The following THRAP3 variants were observed in gnomAD, a reference collection of about 807,000 sequenced individuals.
THRAP3 encodes the protein thyroid hormone receptor-associated protein 3.
Under a neutral mutation model 101.0 loss-of-function variants are expected in THRAP3, and 16 were observed. The ratio of observed to expected loss-of-function variants is 0.16; its 90% CI spans 0.11 to 0.24. The LOEUF is 0.24. Ranked by LOEUF, THRAP3 falls within the 10% of genes least tolerant of loss-of-function variation. The pLI is 1.00. For synonymous variants in THRAP3, 407 were observed against 422.6 expected, an observed-to-expected ratio of 0.96 and a Z score of 0.45; for missense variants, 989 against 1,202.7, an observed-to-expected ratio of 0.82 and a Z score of 2.63.
intron 1 of THRAP3, among the ~76,000 whole-genome samples, chr1:36,244,512 C>T (rs943783163): frequency 2.0e-5 from 3 of 152,200 alleles, no homozygotes; most frequent in Non-Finnish European, 4.4e-5. Context: ...TAGTGTCAAA[C>T]TGATTTCTTA....
At chr1:36,279,646 C>G (rs1645706835) in intron 2 of THRAP3, among the ~76,000 whole-genome samples, 1 of 152,158 alleles carries the variant, frequency 6.6e-6, no homozygotes, top group Non-Finnish European at 1.5e-5. Context: ...GCATCCTCAT[C>G]TAGCAGTCTT....
intron 2 of THRAP3, among the ~76,000 whole-genome samples, chr1:36,271,922 G>T (rs1645597004): frequency 6.6e-6 from 1 of 152,000 alleles, no homozygotes; most frequent in East Asian, 1.9e-4. Flanking sequence ...TAGAGATGGG[G>T]TTTTCCCATG....
chr1:36,231,034 A>G (rs1645022042), intron 1 of THRAP3, among the ~76,000 whole-genome samples: 1 of 152,100 alleles, frequency 6.6e-6, no homozygotes, highest in African/African-American at 2.4e-5. Context: ...GGTATTTACT[A>G]TTTTATACCT....
At chr1:36,291,279 A>G (rs1645864802) in intron 5 of THRAP3, 95 bp from the exon 6 acceptor site, 4 of 1,300,042 alleles carry the variant, frequency 3.1e-6, no homozygotes, top group Non-Finnish European at 4.2e-6. Flanking sequence ...AAGTTTATAG[A>G]TAGATTTAAA....
At chr1:36,213,949 A>G in the THRAP3 span, among the ~76,000 whole-genome samples, 6 of 127,156 alleles carry the variant, frequency 4.7e-5, no homozygotes, top group Non-Finnish European at 9.8e-5. Flanking sequence ...GAAAGAAAGA[A>G]AGAAAGAAAG....
chr1:36,270,234 C>T (rs756690385), intron 2 of THRAP3, among the ~76,000 whole-genome samples: 110 of 152,144 alleles, frequency 7.2e-4, no homozygotes, highest in Non-Finnish European at 1.2e-3. Context: ...ACAAAAAATA[C>T]GAAAAGTTAG....
rs1645808054 is a variant in THRAP3, at chr1:36,287,216, G to A, written c.986G>A (p.Gly329Asp). 1.2e-6 allele frequency: 2 copies of A among 1,614,006 alleles called. No homozygotes were observed. The highest frequency in any genetic ancestry group is 1.7e-6 in the Non-Finnish European group (2 of 1,179,944). ...CCACCATCCACTGGCTCCACATATG[G>A]CTCATCTCAGAAGGAGGAGAGTGCT... ...KSPPSTGSTY[G>D]SSQKEESAAS... Residue 329 changes from glycine (G) to aspartate (D), a missense_variant, in exon 4 of 12, where the codon GGC (glycine) becomes GAC (aspartate). Transcript: ENST00000354618.
rs1645792348 is a variant in THRAP3 at position 36,286,059 on chromosome 1, T to C, written c.138-309T>C. ...TTATTATGGTATATTAAAATGGTCT[T>C]TGTGTGGTTTACTACCTTAAGAAAA... On this transcript the variant is annotated intron_variant, in intron 3 of 11. Transcript: ENST00000354618. The surrounding 1 kb of genome is among the most constrained non-coding windows in gnomAD (Gnocchi z 5.5). 6.6e-6 allele frequency among the ~76,000 whole-genome samples: 1 copy of C among 152,212 alleles called. No individual in the cohort carries two copies. Among genetic ancestry groups the C allele is most frequent in the Non-Finnish European group, 1.5e-5 (1 of 68,038 alleles).
At chr1:36,255,837 A>T (rs960884296) in intron 1 of THRAP3, among the ~76,000 whole-genome samples, 1 of 151,962 alleles carries the variant, frequency 6.6e-6, no homozygotes, top group Non-Finnish European at 1.5e-5. Context: ...AGGAAAAAAA[A>T]ATTCAGTCTT....
upstream of THRAP3, among the ~76,000 whole-genome samples, chr1:36,224,232 C>T (rs1467661452): frequency 6.6e-6 from 1 of 152,236 alleles, no homozygotes; most frequent in Non-Finnish European, 1.5e-5. Flanking sequence ...GGGGAGGGGA[C>T]GGCCCCGAGC....
chr1:36,237,036 C>T (rs1019860998), intron 1 of THRAP3, among the ~76,000 whole-genome samples: 2 of 152,048 alleles, frequency 1.3e-5, no homozygotes, highest in Admixed American at 6.6e-5. Context: ...ATTAGCCAGG[C>T]GTGGTGGCGC....
At chr1:36,216,534 G>A in the THRAP3 span, among the ~76,000 whole-genome samples, 1 of 150,562 alleles carries the variant, frequency 6.6e-6, no homozygotes, top group African/African-American at 2.4e-5. Context: ...GGGTGTGGTG[G>A]CTCACACCTA....
chr1:36,288,392 A>C (rs747219902), intron 4 of THRAP3: 21 of 985,200 alleles, frequency 2.1e-5, no homozygotes, highest in Admixed American at 6.2e-5. Context: ...AAGTAAGTCT[A>C]TTTTAAAACA....
intron 6 of THRAP3, among the ~76,000 whole-genome samples, chr1:36,292,371 A>G (rs1404215787): frequency 7.1e-6 from 1 of 140,834 alleles, no homozygotes; most frequent in Admixed American, 7.7e-5. Context: ...TCCTGGGTTC[A>G]CGACATTCTT....
chr1:36,294,665 A>G (rs1258232605), intron 8 of THRAP3, among the ~76,000 whole-genome samples: 1 of 152,190 alleles, frequency 6.6e-6, no homozygotes, highest in Admixed American at 6.5e-5. Context: ...GTTGAATGTG[A>G]TGAGAGGCGC....
chr1:36,273,816 A>G (rs768853023), intron 2 of THRAP3, among the ~76,000 whole-genome samples: 19 of 152,138 alleles, frequency 1.2e-4, no homozygotes, highest in Admixed American at 2.0e-4. Context: ...CCGAGGTGGC[A>G]GATCATTTGA....
chr1:36,300,453 A>G (rs1385249422), intron 9 of THRAP3, among the ~76,000 whole-genome samples: 1 of 152,250 alleles, frequency 6.6e-6, no homozygotes, highest in Non-Finnish European at 1.5e-5. Context: ...TAAGACAGGT[A>G]GCATTCCTGT....
chr1:36,214,677 G>A, the THRAP3 span, among the ~76,000 whole-genome samples: 3 of 151,436 alleles, frequency 2.0e-5, no homozygotes, highest in Non-Finnish European at 4.4e-5. Context: ...TGACCAACAT[G>A]GTGAACTCCA....
chr1:36,212,531 C>T, the THRAP3 span, among the ~76,000 whole-genome samples: 1 of 150,762 alleles, frequency 6.6e-6, no homozygotes. Context: ...AGCGATTCTC[C>T]TGCCTCAGCC....
Sources: gnomAD v4.1 joint callset for allele counts (sites outside exome capture counted in the v4.1 genomes callset) on GRCh38, gnomAD v4.1.1 for gene constraint, Gnocchi (gnomAD v3.1) non-coding constraint, MANE v1.5 for transcripts, NCBI Gene and HGNC (gene_info 2026-07-23, HGNC 2026-07-21) for gene names.